Variants in ZCCHC7 observed in about 807,000 individuals in gnomAD.
ZCCHC7 encodes zinc finger CCHC domain-containing protein 7.
ZCCHC7 carries 35 observed loss-of-function variants against 52.0 expected under a neutral mutation model. That is an observed-to-expected ratio of 0.67 (90% CI 0.51 to 0.89). ZCCHC7 has a LOEUF of 0.89. Ranked by LOEUF, ZCCHC7 falls within the 40% of genes least tolerant of loss-of-function variation. ZCCHC7 has a pLI of 0.00. For synonymous variants in ZCCHC7, 217 were observed against 221.5 expected, an observed-to-expected ratio of 0.98 and a Z score of 0.18; for missense variants, 574 against 649.1, an observed-to-expected ratio of 0.88 and a Z score of 1.26.
At chr9:37,340,366 A>G (rs1416886711) in intron 6 of ZCCHC7, among the ~76,000 whole-genome samples, 1 of 151,928 alleles carries the variant, frequency 6.6e-6, no homozygotes, top group Non-Finnish European at 1.5e-5. Flanking sequence ...GTAATCTCCA[A>G]GATATCACCC....
rs111274930 is a variant in ZCCHC7 at position 37,224,677 on chromosome 9, T to G, written c.611-77511T>G. Among the ~76,000 whole-genome samples, 513 of 152,246 alleles carry G rather than the reference T, an allele frequency of 3.4e-3. 2 individuals are homozygous for G. Among genetic ancestry groups the G allele is most frequent in the African/African-American group, 0.012 (486 of 41,552 alleles). ...GTGGCATCACACTACATTGAAGAGATAGATTTTGAAGTACAAGGAGGCCAA... is the reference window on the plus strand; with the variant it reads ...GTGGCATCACACTACATTGAAGAGAGAGATTTTGAAGTACAAGGAGGCCAA... On this transcript the variant is annotated intron_variant, in intron 2 of 8. Transcript: ENST00000336755.
chr9:37,193,854 A>G (rs1331418103), intron 2 of ZCCHC7, among the ~76,000 whole-genome samples: 2 of 152,202 alleles, frequency 1.3e-5, no homozygotes, highest in African/African-American at 4.8e-5. Flanking sequence ...TAATCAGTGC[A>G]AATCCATCAG....
At chr9:37,152,307 C>T (rs1321185306) in intron 2 of ZCCHC7, among the ~76,000 whole-genome samples, 1 of 151,796 alleles carries the variant, frequency 6.6e-6, no homozygotes, top group Non-Finnish European at 1.5e-5. Context: ...AGGGAGTTGT[C>T]ATGTGCCCTG....
chr9:37,294,599 C>T (rs1828696166), intron 2 of ZCCHC7, among the ~76,000 whole-genome samples: 1 of 152,148 alleles, frequency 6.6e-6, no homozygotes, highest in Admixed American at 6.5e-5. Context: ...ACAAAGAGAA[C>T]TGTCTTACTG....
chr9:37,344,458 C>G (rs915768255), intron 6 of ZCCHC7, among the ~76,000 whole-genome samples: 5 of 152,184 alleles, frequency 3.3e-5, no homozygotes, highest in Non-Finnish European at 7.3e-5. Context: ...CTTCCTTCAC[C>G]TACTCCACTT....
intron 2 of ZCCHC7, among the ~76,000 whole-genome samples, chr9:37,239,780 G>A (rs1825803337): frequency 1.3e-5 from 2 of 152,154 alleles, no homozygotes; most frequent in Middle Eastern, 3.4e-3. Context: ...CATTATGCAT[G>A]TATATTTGGG....
chr9:37,272,509 A>AAAAAAG (rs2133514223), intron 2 of ZCCHC7, among the ~76,000 whole-genome samples: 1 of 151,040 alleles, frequency 6.6e-6, no homozygotes, highest in African/African-American at 2.4e-5. Flanking sequence ...AAAAAAAAAA[A>AAAAAAG]AAAAAGAAAG....
chr9:37,170,094 A>T (rs1210344524), intron 2 of ZCCHC7, among the ~76,000 whole-genome samples: 1 of 151,958 alleles, frequency 6.6e-6, no homozygotes, highest in Non-Finnish European at 1.5e-5. Context: ...AGAATAAAAA[A>T]GTCTACCCTA....
intron 2 of ZCCHC7, among the ~76,000 whole-genome samples, chr9:37,224,314 A>G (rs1824982901): frequency 6.6e-6 from 1 of 152,148 alleles, no homozygotes; most frequent in African/African-American, 2.4e-5. Context: ...TTTTAAAATC[A>G]GTGTGGCAAC....
At chr9:37,332,979 A>G (rs80109757) in intron 6 of ZCCHC7, among the ~76,000 whole-genome samples, 7,709 of 151,674 alleles carry the variant, frequency 0.051, 639 homozygotes, top group African/African-American at 0.17. Context: ...TGAGAACCTT[A>G]GTATTTTCTT....
Position 37,356,921 on chromosome 9 carries a change from A to G in ZCCHC7, c.1285A>G (p.Lys429Glu), listed in dbSNP as rs775047940. The G allele has an allele frequency of 2.5e-6, 4 of 1,613,932 alleles. No homozygotes were observed. In the Admixed American group the frequency reaches 6.7e-5, roughly 27 times the overall value. ...TGAGAACCCCCACCATGATATAAGG[A>G]AGGGCCGTGCCTCATGGAAAAGCAA... ...ANENPHHDIR[K>E]GRASWKSNRW... The change falls in exon 9 of 9, where the codon AAG becomes GAG. Residue 429 changes from lysine to glutamate, a missense_variant. Transcript: ENST00000336755.
In ZCCHC7 at chr9:37,254,898, A is replaced by G. The variant is rs1302260075; in HGVS notation, c.611-47290A>G. Reference sequence around the variant, plus strand: ...ACTCAACCTGTTCTTGGAAATCTGTAACATATGGTATGCATGTAAATTGAT... The same window carrying G: ...ACTCAACCTGTTCTTGGAAATCTGTGACATATGGTATGCATGTAAATTGAT... On this transcript the variant is annotated intron_variant, in intron 2 of 8. Coordinates refer to ENST00000336755, the MANE Select transcript of ZCCHC7 (RefSeq NM_032226.3). 3.6e-5 allele frequency among the ~76,000 whole-genome samples: 5 copies of G among 138,370 alleles called. No individual in the cohort carries two copies. The East Asian group carries it at 1.0e-3, about 28-fold the overall frequency. 90.8% of individuals were successfully genotyped at this position (138,370 alleles called of 152,430 possible). A position where few individuals can be genotyped will look rare whatever the true frequency, so the allele number is the denominator to read the frequency against.
rs546539833 is a variant in ZCCHC7 at position 37,220,013 on chromosome 9, G to T, written c.611-82175G>T. Among the ~76,000 whole-genome samples the T allele has an allele frequency of 1.8e-4, 27 of 152,214 alleles. No homozygotes were observed. The South Asian group carries it at 3.5e-3, about 20-fold the overall frequency. ...GGTGTGGTATTAATAAGGAAAGAAA[G>T]GGTTGATTACCAGATGAAAGAGTTT... On this transcript the variant is annotated intron_variant, in intron 2 of 8. Transcript: ENST00000336755.
At position 37,357,634 on chromosome 9, in the gene ZCCHC7, G is replaced by T. The variant is rs1361925805; in HGVS notation, c.*366G>T. 3 of 152,096 alleles carry T rather than the reference G, an allele frequency of 2.0e-5. No homozygotes were observed. Among genetic ancestry groups the T allele is most frequent in the Non-Finnish European group, 4.3e-5 (3 of 69,324 alleles). 9.4% of individuals were successfully genotyped at this position (152,096 alleles called of 1,614,324 possible). On this transcript the variant is annotated 3_prime_UTR_variant, in exon 9 of 9. Transcript: ENST00000336755. ...CTCAAATTAAATCCTTGCAGGAAGA[G>T]AAATTAACACTAAGAAAAAGTCATC... is the stretch of plus-strand genomic sequence containing the variant.
chr9:37,194,738 C>T (rs1265500610), intron 2 of ZCCHC7, among the ~76,000 whole-genome samples: 2 of 152,110 alleles, frequency 1.3e-5, no homozygotes, highest in Non-Finnish European at 2.9e-5. Context: ...AAATCCACAG[C>T]TTGGGTGACA....
At chr9:37,120,848 A>G in intron 1 of ZCCHC7, 1 of 238,180 alleles carries the variant, frequency 4.2e-6, no homozygotes. Context: ...CTGGCTTTCC[A>G]AGGGCTAATG....
At chr9:37,203,300 CT>C (rs768684151) in intron 2 of ZCCHC7, among the ~76,000 whole-genome samples, 49 of 152,176 alleles carry the variant, frequency 3.2e-4, no homozygotes, top group Non-Finnish European at 6.0e-4. Flanking sequence ...AAATATTTTT[CT>C]TTAAAAAATT....
intron 2 of ZCCHC7, among the ~76,000 whole-genome samples, chr9:37,218,553 TC>T (rs1824636373): frequency 6.6e-6 from 1 of 152,168 alleles, no homozygotes; most frequent in Non-Finnish European, 1.5e-5. Flanking sequence ...ACGCCTGTAA[TC>T]CCCCAGTGCT....
intron 7 of ZCCHC7, among the ~76,000 whole-genome samples, chr9:37,350,629 C>T (rs1414082872): frequency 6.6e-6 from 1 of 152,190 alleles, no homozygotes; most frequent in African/African-American, 2.4e-5. Context: ...AAAGGCCAAA[C>T]TGTGTGTGTT....
Sources: allele counts gnomAD v4.1 joint callset (sites outside exome capture counted in the v4.1 genomes callset), GRCh38; gene constraint gnomAD v4.1.1; transcripts MANE v1.5; gene names NCBI Gene and HGNC (gene_info 2026-07-23, HGNC 2026-07-21).